EFCAB5: variants seen among roughly 807,000 people sequenced by gnomAD.
The protein encoded by EFCAB5 is EF-hand calcium-binding domain-containing protein 5.
In EFCAB5, 131 loss-of-function variants were observed where a neutral mutation model predicts 167.9. That is an observed-to-expected ratio of 0.78 (90% CI 0.68 to 0.90). The LOEUF (loss-of-function observed/expected upper bound fraction) is 0.90, where lower values mean the gene tolerates loss of function less well. Among genes scored for constraint, EFCAB5 ranks in the 40% least tolerant of loss-of-function variants. The probability of loss-of-function intolerance (pLI) is 0.00; values close to 1 mark genes in which losing one functional copy is unlikely to be tolerated. For missense variants in EFCAB5, 1,663 were observed against 1,745.2 expected, an observed-to-expected ratio of 0.95 and a Z score of 0.84; for synonymous variants, 574 against 602.8, an observed-to-expected ratio of 0.95 and a Z score of 0.70.
chr17:29,998,440 G>C (rs572737452), intron 6 of EFCAB5, among the ~76,000 whole-genome samples: 7 of 152,198 alleles, frequency 4.6e-5, no homozygotes, highest in African/African-American at 1.7e-4. Flanking sequence ...CCCTCACTTA[G>C]TTCCAGATAC....
chr17:29,942,151 AT>A, intron 1 of EFCAB5, 88 bp from the exon 2 acceptor site: 1 of 1,163,998 alleles, frequency 8.6e-7, no homozygotes, highest in Non-Finnish European at 1.2e-6. Context: ...ATTTTTAAAA[AT>A]TAAAAGCTTA....
In EFCAB5 at chr17:29,943,868, T is replaced by C. The variant is rs1597556603; in HGVS notation, c.190+219T>C. ...CGGGTGCCTGTAATCCCAGCTACTC[T>C]GGAGGCTGAGGCAGGAGAATTGCGT... On this transcript the variant is annotated intron_variant, in intron 3 of 22. Coordinates refer to ENST00000394835, the MANE Select transcript of EFCAB5 (RefSeq NM_198529.4). Among the ~76,000 whole-genome samples, 3 of 151,772 alleles carry C rather than the reference T, an allele frequency of 2.0e-5. No homozygotes were observed. In the South Asian group the frequency reaches 6.3e-4, roughly 32 times the overall value.
intron 4 of EFCAB5, among the ~76,000 whole-genome samples, chr17:29,982,887 A>G (rs960223636): frequency 1.3e-5 from 2 of 152,226 alleles, no homozygotes; most frequent in African/African-American, 4.8e-5. Flanking sequence ...GATTGTCACA[A>G]CTAGGTGGGG....
At position 30,080,789 on chromosome 17, in the gene EFCAB5, T is replaced by TC; in HGVS notation, c.3238dup (p.Gln1080ProfsTer16). 1 of 1,611,290 alleles carries TC rather than the reference T, an allele frequency of 6.2e-7. No homozygotes were observed. The highest frequency in any genetic ancestry group is 8.5e-7 in the Non-Finnish European group (1 of 1,178,700). ...TGGATGAAGGGAAGCCAATCCATGT[T>TC]CCCCAAGTTCAGTACCATGGGAACA... On this transcript the variant is annotated frameshift_variant, in exon 17 of 23. Coordinates refer to ENST00000394835, the MANE Select transcript of EFCAB5 (RefSeq NM_198529.4). LOFTEE classifies it high-confidence loss of function.
chr17:30,060,279 C>CT (rs1369334805), intron 14 of EFCAB5, among the ~76,000 whole-genome samples: 1 of 151,976 alleles, frequency 6.6e-6, no homozygotes, highest in Non-Finnish European at 1.5e-5. Flanking sequence ...CACAGTTCTG[C>CT]TTGTTCTCTC....
chr17:29,982,291 G>A (rs1597617234), intron 4 of EFCAB5, among the ~76,000 whole-genome samples: 1 of 152,146 alleles, frequency 6.6e-6, no homozygotes, highest in East Asian at 1.9e-4. Flanking sequence ...AAATTAGCCG[G>A]GAGGCTGAGG....
At position 29,978,436 on chromosome 17, in the gene EFCAB5, A is replaced by G. The variant is rs372442417; in HGVS notation, c.767+9069A>G. 1.2e-4 allele frequency among the ~76,000 whole-genome samples: 18 copies of G among 152,344 alleles called. No individual in the cohort carries two copies. The East Asian group carries it at 2.5e-3, about 21-fold the overall frequency. On this transcript the variant is annotated intron_variant, in intron 4 of 22. Transcript: ENST00000394835. Reference sequence around the variant, plus strand: ...ATGTACACTGACTAGTTTCATGTCCATCTCTAAACCTTACTCTGTTGAGTA... The same window carrying G: ...ATGTACACTGACTAGTTTCATGTCCGTCTCTAAACCTTACTCTGTTGAGTA...
At chr17:30,075,362 A>G (rs992769375) in intron 14 of EFCAB5, among the ~76,000 whole-genome samples, 6 of 152,082 alleles carry the variant, frequency 3.9e-5, no homozygotes, top group Admixed American at 3.9e-4. Flanking sequence ...TGCCCTTTAC[A>G]TAGTCCTTAG....
chr17:30,108,067 G>T lies in EFCAB5; in HGVS notation c.*43G>T. On this transcript the variant is annotated 3_prime_UTR_variant, in exon 23 of 23. Coordinates refer to ENST00000394835, the MANE Select transcript of EFCAB5 (RefSeq NM_198529.4). ...ATTGATACTGTATTTAGGATCCTTT[G>T]TTTGTTATCAGTTTTGTTTGTTAAC... 1 of 1,535,444 alleles carries T rather than the reference G, an allele frequency of 6.5e-7. No homozygotes were observed.
Position 29,941,708 on chromosome 17 carries a change from A to G in EFCAB5, c.-89A>G. 8.4e-7 allele frequency: 1 copy of G among 1,193,334 alleles called. No homozygotes were observed. Among genetic ancestry groups the G allele is most frequent in the Non-Finnish European group, 1.2e-6 (1 of 836,894 alleles). The allele number at this position is 1,193,334 out of a possible 1,614,324, so 73.9% of individuals were successfully genotyped here. A position where few individuals can be genotyped will look rare whatever the true frequency, so the allele number is the denominator to read the frequency against. On this transcript the variant is annotated 5_prime_UTR_variant, in exon 1 of 23. An upstream start codon of the reference 5' UTR is lost. Transcript: ENST00000394835. ...TTTTTAACTTCTGGAGTACTTTGTG[A>G]TGTTTATTAATATTTTCTTTCTTTT...
intron 8 of EFCAB5, 35 bp from the exon 9 acceptor site, chr17:30,051,083 G>A: frequency 1.9e-6 from 3 of 1,602,332 alleles, no homozygotes; most frequent in Non-Finnish European, 1.7e-6. Flanking sequence ...TAAATCTCCT[G>A]TAACAACTAA....
intron 2 of EFCAB5, 86 bp downstream of exon 2, chr17:29,942,388 G>A (rs1162832142): frequency 7.2e-6 from 9 of 1,244,986 alleles, no homozygotes; most frequent in Admixed American, 3.2e-5. Flanking sequence ...AAAAGATGTG[G>A]GTATTCAAAA....
At chr17:30,049,771 T>C (rs1196649741) in intron 8 of EFCAB5, among the ~76,000 whole-genome samples, 1 of 152,212 alleles carries the variant, frequency 6.6e-6, no homozygotes, top group Non-Finnish European at 1.5e-5. Context: ...CTGGCAAGAA[T>C]GTAAATTGGT....
At chr17:30,094,070 T>C (rs528978659) in intron 22 of EFCAB5, among the ~76,000 whole-genome samples, 4 of 152,142 alleles carry the variant, frequency 2.6e-5, no homozygotes, top group Non-Finnish European at 5.9e-5. Context: ...AGGTTCAGCC[T>C]GTGACAGGCA....
chr17:30,082,315 A>G (rs924178922), intron 17 of EFCAB5, among the ~76,000 whole-genome samples: 7 of 151,144 alleles, frequency 4.6e-5, no homozygotes, highest in Non-Finnish European at 1.0e-4. Flanking sequence ...CTATTCTCTA[A>G]TAGCACATAC....
At chr17:29,940,693 C>T (rs562235434), upstream of EFCAB5, among the ~76,000 whole-genome samples, 5 of 152,064 alleles carry the variant, frequency 3.3e-5, no homozygotes, top group Non-Finnish European at 7.4e-5. Context: ...CTCTTCTCTC[C>T]AAAGGCAGTA....
At chr17:29,987,145 A>G (rs1290429461) in intron 4 of EFCAB5, among the ~76,000 whole-genome samples, 1 of 152,132 alleles carries the variant, frequency 6.6e-6, no homozygotes, top group Non-Finnish European at 1.5e-5. Context: ...TAAATTACTC[A>G]TTGTGACTGA....
Position 30,090,547 on chromosome 17 carries a change from C to T in EFCAB5, c.3810C>T (p.Ile1270=), listed in dbSNP as rs537589604. ...CTCTGGGAGTCCTCGATTTTAACAT[C>T]GGCCAAAATAGGATGTTGTTGTGTC... The part of the protein sequence containing the change: ...GEALGVLDFN[I]GQNRMLLCQE... Residue 1270 remains isoleucine (I), a synonymous_variant, in exon 20 of 23, where the codon ATC becomes ATT. Coordinates refer to ENST00000394835, the MANE Select transcript of EFCAB5 (RefSeq NM_198529.4). 7.4e-6 allele frequency: 12 copies of T among 1,613,726 alleles called. No homozygotes were observed. In the Admixed American group the frequency reaches 8.3e-5, roughly 11 times the overall value.
At chr17:29,974,520 T>G (rs1254308615) in intron 4 of EFCAB5, among the ~76,000 whole-genome samples, 1 of 150,592 alleles carries the variant, frequency 6.6e-6, no homozygotes, top group Non-Finnish European at 1.5e-5. Flanking sequence ...CTATCTTGGG[T>G]GACAGAGCAA....
Sources: gnomAD v4.1 joint callset for allele counts (sites outside exome capture counted in the v4.1 genomes callset) on GRCh38, gnomAD v4.1.1 for gene constraint, MANE v1.5 for transcripts, NCBI Gene and HGNC (gene_info 2026-07-23, HGNC 2026-07-21) for gene names.